POLK: variants seen among roughly 807,000 people sequenced by gnomAD.
POLK encodes DNA polymerase kappa.
Under a neutral mutation model 94.0 loss-of-function variants are expected in POLK, and 76 were observed. The observed-to-expected ratio is 0.81, with a 90% CI of 0.67 to 0.98. The LOEUF (loss-of-function observed/expected upper bound fraction) is 0.98. Ranked by LOEUF, POLK falls within the 50% of genes least tolerant of loss-of-function variation. The pLI, the probability that POLK is intolerant of heterozygous loss-of-function variation, is 0.00. For synonymous variants in POLK, 349 were observed against 325.4 expected (o/e 1.07, Z -0.78); for missense variants, 954 against 1,010.1 (o/e 0.94, Z 0.75).
At chr5:75,568,808 AT>A in intron 3 of POLK, 1 of 213,684 alleles carries the variant, frequency 4.7e-6, no homozygotes, top group Non-Finnish European at 9.7e-6. Flanking sequence ...ATTTTGTTGT[AT>A]ATTTCCTTTG....
chr5:75,569,328 TA>T lies in POLK; in HGVS notation c.256-6del. 6.3e-7 allele frequency: 1 copy of T among 1,591,160 alleles called. No homozygotes were observed. Among genetic ancestry groups the T allele is most frequent in the Non-Finnish European group, 8.6e-7 (1 of 1,166,520 alleles). On this transcript the variant is annotated splice_polypyrimidine_tract_variant and intron_variant, in intron 3 of 14. Coordinates refer to ENST00000241436, the Ensembl canonical transcript of POLK. ...TTGTCTAAAAGTATGTTAACTTTTT[TA>T]AAAAATTAAGGTTGACAGATTTGCA...
chr5:75,537,592 C>G (rs1189685470), intron 1 of POLK, among the ~76,000 whole-genome samples: 2 of 152,148 alleles, frequency 1.3e-5, no homozygotes, highest in African/African-American at 4.8e-5. Flanking sequence ...CCATCTTGGC[C>G]CCCCTAACCT....
intron 5 of POLK, among the ~76,000 whole-genome samples, chr5:75,576,550 A>T (rs55728913): frequency 1.3e-5 from 2 of 152,292 alleles, no homozygotes; most frequent in East Asian, 3.9e-4. Context: ...ATTGTATCAA[A>T]TGAAGCTATT....
intron 1 of POLK, among the ~76,000 whole-genome samples, chr5:75,514,784 G>A (rs1388589535): frequency 1.3e-5 from 2 of 152,002 alleles, no homozygotes; most frequent in African/African-American, 4.8e-5. Context: ...AGGCTAGCTT[G>A]ACCCCAGAGG....
intron 2 of POLK, among the ~76,000 whole-genome samples, chr5:75,552,047 T>A (rs1478827053): frequency 6.6e-6 from 1 of 152,226 alleles, no homozygotes; most frequent in East Asian, 1.9e-4. Context: ...ATTTTCTACA[T>A]TTTCTTTAAT....
intron 1 of POLK, among the ~76,000 whole-genome samples, chr5:75,537,309 C>T (rs929277586): frequency 6.6e-6 from 1 of 152,210 alleles, no homozygotes; most frequent in East Asian, 1.9e-4. Flanking sequence ...GGGGGAATCT[C>T]CCATTCCCAG....
chr5:75,593,906 A>G (rs786205687), exon 12 of POLK: 3 of 1,595,484 alleles, frequency 1.9e-6, no homozygotes, highest in Non-Finnish European at 2.6e-6. Context: ...AAGTTGAAGA[A>G]TGTGAATTTT....
At chr5:75,582,236 CATA>C (rs1381166628) in intron 7 of POLK, 2 of 489,406 alleles carry the variant, frequency 4.1e-6, no homozygotes, top group Non-Finnish European at 2.7e-6. Flanking sequence ...TGTCTCTTAA[CATA>C]ATAACTGTTA....
intron 1 of POLK, among the ~76,000 whole-genome samples, chr5:75,539,286 C>T (rs187812422): frequency 2.1e-3 from 311 of 151,322 alleles, no homozygotes; most frequent in Admixed American, 5.0e-3. Flanking sequence ...TGGCAAGTCC[C>T]GAAGCAGTAT....
chr5:75,600,116 A>G (rs1165554790), exon 15 of POLK: 1 of 152,198 alleles, frequency 6.6e-6, no homozygotes, highest in Non-Finnish European at 1.5e-5. Context: ...TCCAGAATAT[A>G]TAAATGATCC....
upstream of POLK, chr5:75,511,307 G>A (rs765299358): frequency 3.2e-6 from 5 of 1,554,376 alleles, no homozygotes; most frequent in Middle Eastern, 1.7e-4. Context: ...ATGGCGAAGC[G>A]AAGAGTGCCC....
At chr5:75,513,128 TGAA>T (rs1768150806) in intron 1 of POLK, among the ~76,000 whole-genome samples, 1 of 152,254 alleles carries the variant, frequency 6.6e-6, no homozygotes, top group South Asian at 2.1e-4. Flanking sequence ...GTTGGTAGCA[TGAA>T]GCTAGGTTAT....
rs149423541 is a variant in POLK, at chr5:75,519,888, G to A, written c.-14+7974G>A. Among the ~76,000 whole-genome samples the A allele has an allele frequency of 4.1e-4, 62 of 152,082 alleles. 1 individual carries two copies. Among genetic ancestry groups the A allele is most frequent in the Admixed American group, 2.1e-3 (32 of 15,258 alleles). ...TTCATTTACATTCAGTGTTATTATT[G>A]GTAAGTAAGAACTTATTATTGCCAT... On this transcript the variant is annotated intron_variant, in intron 1 of 14. Transcript: ENST00000241436.
intron 4 of POLK, among the ~76,000 whole-genome samples, chr5:75,569,863 C>T (rs777048939): frequency 5.8e-4 from 89 of 152,140 alleles, no homozygotes; most frequent in Non-Finnish European, 1.0e-3. Context: ...CTATTGTGAA[C>T]TGCACATGTG....
chr5:75,606,141 C>T (rs1427664585), downstream of POLK, among the ~76,000 whole-genome samples: 25 of 62,082 alleles, frequency 4.0e-4, no homozygotes, highest in African/African-American at 1.6e-3. Context: ...AAGTGCTGTG[C>T]TTTTAGATAT....
exon 15 of POLK, chr5:75,599,086 TA>T (rs200924478): frequency 4.5e-3 from 560 of 125,028 alleles, no homozygotes; most frequent in Admixed American, 4.9e-3. Flanking sequence ...ACTAAAACGA[TA>T]AAAAAAAAAA....
chr5:75,512,779 A>G (rs937926282), intron 1 of POLK: 2 of 129,476 alleles, frequency 1.5e-5, no homozygotes, highest in African/African-American at 2.7e-5. Flanking sequence ...TAAACCTTAG[A>G]AAGAGTACTT....
chr5:75,536,418 T>C (rs1769446941), intron 1 of POLK, among the ~76,000 whole-genome samples: 1 of 152,126 alleles, frequency 6.6e-6, no homozygotes, highest in Non-Finnish European at 1.5e-5. Context: ...GAACCCTGGA[T>C]TGGAAGTTCT....
chr5:75,512,024 C>T lies in POLK; in HGVS notation c.-14+110C>T. 5.9e-6 allele frequency: 3 copies of T among 512,754 alleles called. No individual in the cohort carries two copies. The South Asian group carries it at 7.6e-5, about 13-fold the overall frequency. The allele number at this position is 512,754 out of a possible 1,614,324, so 31.8% of individuals were successfully genotyped here. Reference sequence around the variant, plus strand: ...CCCCTCGGCCTCGCTTCTATCCTTGCCTTGTGTGTTTATGACGAACCCTCC... The same window carrying T: ...CCCCTCGGCCTCGCTTCTATCCTTGTCTTGTGTGTTTATGACGAACCCTCC... On this transcript the variant is annotated intron_variant, in intron 1 of 14. Coordinates refer to ENST00000241436, the Ensembl canonical transcript of POLK.
Sources: allele counts gnomAD v4.1 joint callset (sites outside exome capture counted in the v4.1 genomes callset), GRCh38; gene constraint gnomAD v4.1.1; transcripts MANE v1.5; gene names NCBI Gene and HGNC (gene_info 2026-07-23, HGNC 2026-07-21).